Variants in PLPPR1 observed in about 807,000 individuals in gnomAD.
PLPPR1 encodes phospholipid phosphatase-related protein type 1.
PLPPR1 carries 10 observed loss-of-function variants against 33.1 expected under a neutral mutation model. The observed-to-expected ratio is 0.30, with a 90% confidence interval of 0.19 to 0.51. The LOEUF is 0.51. PLPPR1 is among the 20% of genes least tolerant of loss of function. The probability of loss-of-function intolerance (pLI) is 0.97; values close to 1 mark genes in which losing one functional copy is unlikely to be tolerated. For synonymous variants in PLPPR1, 151 were observed against 151.0 expected (o/e 1.00, Z 0.00); for missense variants, 304 against 408.1 (o/e 0.74, Z 2.20).
At chr9:101,196,814 G>A (rs966486747) in intron 2 of PLPPR1, among the ~76,000 whole-genome samples, 2 of 151,620 alleles carry the variant, frequency 1.3e-5, no homozygotes, top group Non-Finnish European at 1.5e-5. Context: ...GCAGTGAGCC[G>A]AGATCGGGCC....
intron 1 of PLPPR1, among the ~76,000 whole-genome samples, chr9:101,117,383 G>A (rs1831129312): frequency 6.6e-6 from 1 of 152,052 alleles, no homozygotes; most frequent in African/African-American, 2.4e-5. Flanking sequence ...TAATGTATTA[G>A]CATGCTAAAA....
At chr9:101,319,570 A>G (rs1302696437) in intron 7 of PLPPR1, among the ~76,000 whole-genome samples, 1 of 152,176 alleles carries the variant, frequency 6.6e-6, no homozygotes, top group Non-Finnish European at 1.5e-5. Flanking sequence ...GTTTTCCCTT[A>G]ATTTGTATTA....
intron 3 of PLPPR1, among the ~76,000 whole-genome samples, chr9:101,272,050 A>AAAAG (rs1285201912): frequency 2.0e-4 from 24 of 117,698 alleles, no homozygotes; most frequent in Non-Finnish European, 9.3e-5. Context: ...ATACTTAAAA[A>AAAAG]TGAAAATATA....
intron 2 of PLPPR1, among the ~76,000 whole-genome samples, chr9:101,250,708 C>T (rs527892058): frequency 5.3e-5 from 8 of 152,146 alleles, no homozygotes; most frequent in Admixed American, 3.9e-4. Flanking sequence ...TGTTAAAAAA[C>T]GAAAGAAGTC....
chr9:101,237,641 A>G lies in PLPPR1; in HGVS notation c.64-32239A>G, dbSNP rs566166308. Among the ~76,000 whole-genome samples the G allele has an allele frequency of 2.6e-4, 34 of 129,992 alleles. No homozygotes were observed. The South Asian group carries it at 8.3e-3, about 32-fold the overall frequency. 85.3% of individuals were successfully genotyped at this position (129,992 alleles called of 152,430 possible). A position where few individuals can be genotyped will look rare whatever the true frequency, so the allele number is the denominator to read the frequency against. On this transcript the variant is annotated intron_variant, in intron 2 of 7. Coordinates refer to ENST00000374874, the MANE Select transcript of PLPPR1 (RefSeq NM_207299.2). ...TATTCCATTGTGTGCATATATATAT[A>G]TACACACACACACACACAAAATTCC...
chr9:101,285,266 A>T (rs1828372937), intron 3 of PLPPR1, among the ~76,000 whole-genome samples: 1 of 152,194 alleles, frequency 6.6e-6, no homozygotes, highest in Admixed American at 6.5e-5. Flanking sequence ...GCTGGGTGCC[A>T]TAAGGATACT....
chr9:101,132,311 G>C (rs1414379825), intron 1 of PLPPR1, among the ~76,000 whole-genome samples: 1 of 152,100 alleles, frequency 6.6e-6, no homozygotes, highest in Non-Finnish European at 1.5e-5. Flanking sequence ...GAAAACTAGA[G>C]CAAAGTAAAA....
chr9:101,188,162 G>C lies in PLPPR1; in HGVS notation c.63+2605G>C, dbSNP rs190623308. ...CTACTGAGGGACAGTTTGTTTATGC[G>C]TTTGTTTGCTTAATATGCTTTTTCA... On this transcript the variant is annotated intron_variant, in intron 2 of 7. Transcript: ENST00000374874. The C allele has an allele frequency of 5.9e-5, 9 of 152,000 alleles. No individual in the cohort carries two copies. The South Asian group carries it at 1.9e-3, about 31-fold the overall frequency. 9.4% of individuals were successfully genotyped at this position (152,000 alleles called of 1,614,324 possible). A position where few individuals can be genotyped will look rare whatever the true frequency, so the allele number is the denominator to read the frequency against.
At chr9:101,044,932 G>A (rs1830126533) in intron 1 of PLPPR1, among the ~76,000 whole-genome samples, 1 of 152,128 alleles carries the variant, frequency 6.6e-6, no homozygotes, top group African/African-American at 2.4e-5. Flanking sequence ...CTTAATTTGA[G>A]GACTATCTGA....
At chr9:101,294,051 C>A (rs532582991) in intron 4 of PLPPR1, among the ~76,000 whole-genome samples, 1 of 151,986 alleles carries the variant, frequency 6.6e-6, no homozygotes, top group African/African-American at 2.4e-5. Context: ...ATTGATAGAC[C>A]GCTAGCAAGA....
At chr9:101,124,282 G>A (rs1269478976) in intron 1 of PLPPR1, among the ~76,000 whole-genome samples, 1 of 152,090 alleles carries the variant, frequency 6.6e-6, no homozygotes, top group Non-Finnish European at 1.5e-5. Context: ...AAGGATGAAG[G>A]TCCCTCTTCT....
chr9:101,065,890 T>C (rs1424834743), intron 1 of PLPPR1, among the ~76,000 whole-genome samples: 3 of 152,078 alleles, frequency 2.0e-5, no homozygotes, highest in Non-Finnish European at 4.4e-5. Flanking sequence ...GGAACACTTG[T>C]ATAACCCTCA....
At chr9:101,257,867 TTAAG>T (rs951412952) in intron 2 of PLPPR1, among the ~76,000 whole-genome samples, 7 of 152,260 alleles carry the variant, frequency 4.6e-5, no homozygotes, top group East Asian at 3.9e-4. Context: ...TTTTAAATCC[TTAAG>T]TAAGTTATCT....
chr9:101,100,021 G>A (rs578217273), intron 1 of PLPPR1, among the ~76,000 whole-genome samples: 48 of 152,104 alleles, frequency 3.2e-4, no homozygotes, highest in Non-Finnish European at 2.4e-4. Context: ...GGAAAAAAAT[G>A]TGGTGGCTGA....
intron 1 of PLPPR1, among the ~76,000 whole-genome samples, chr9:101,169,155 CA>C (rs1825902312): frequency 6.6e-6 from 1 of 152,164 alleles, no homozygotes; most frequent in East Asian, 1.9e-4. Flanking sequence ...GGGACTTTCC[CA>C]ATGTCTCATC....
At chr9:101,047,278 A>G (rs1234147218) in intron 1 of PLPPR1, among the ~76,000 whole-genome samples, 1 of 152,184 alleles carries the variant, frequency 6.6e-6, no homozygotes, top group Non-Finnish European at 1.5e-5. Flanking sequence ...TTCTTGCACT[A>G]TTCCTCCTTG....
At chr9:101,116,083 A>G (rs1831114662) in intron 1 of PLPPR1, among the ~76,000 whole-genome samples, 3 of 152,220 alleles carry the variant, frequency 2.0e-5, no homozygotes, top group Admixed American at 2.0e-4. Flanking sequence ...GCCAAATGTC[A>G]GTTTCATCTA....
At chr9:101,153,340 C>G (rs1000967770) in intron 1 of PLPPR1, among the ~76,000 whole-genome samples, 11 of 152,172 alleles carry the variant, frequency 7.2e-5, no homozygotes, top group Non-Finnish European at 1.5e-4. Flanking sequence ...CATCTGCAAA[C>G]AGGGACAATT....
At chr9:101,285,087 T>C (rs920193385) in intron 3 of PLPPR1, among the ~76,000 whole-genome samples, 2 of 152,172 alleles carry the variant, frequency 1.3e-5, no homozygotes, top group African/African-American at 4.8e-5. Flanking sequence ...GGAGGGATCT[T>C]GTGAGCCTGA....
Sources: allele counts gnomAD v4.1 joint callset (sites outside exome capture counted in the v4.1 genomes callset), GRCh38; gene constraint gnomAD v4.1.1; transcripts MANE v1.5; gene names NCBI Gene and HGNC (gene_info 2026-07-23, HGNC 2026-07-21).